Variants in ANKRD62 observed in about 807,000 individuals in gnomAD.
ANKRD62 encodes ankyrin repeat domain 62.
ANKRD62 carries 61 observed loss-of-function variants against 98.8 expected under a neutral mutation model. The observed-to-expected ratio is 0.62, with a 90% CI of 0.50 to 0.76. The LOEUF (loss-of-function observed/expected upper bound fraction) is 0.76, where lower values mean the gene tolerates loss of function less well. Ranked by LOEUF, ANKRD62 falls within the 30% of genes least tolerant of loss-of-function variation. ANKRD62 has a pLI of 0.00. For missense variants in ANKRD62, 933 were observed against 1,082.9 expected (o/e 0.86, Z 1.94); for synonymous variants, 341 against 367.9 (o/e 0.93, Z 0.84).
At chr18:12,098,758 C>A (rs1365686541) in intron 5 of ANKRD62, among the ~76,000 whole-genome samples, 1 of 152,126 alleles carries the variant, frequency 6.6e-6, no homozygotes, top group East Asian at 1.9e-4. Context: ...TAACCACTTG[C>A]ATCTCCTTCA....
downstream of ANKRD62, among the ~76,000 whole-genome samples, chr18:12,132,948 A>G (rs1598740678): frequency 1.3e-5 from 2 of 152,258 alleles, no homozygotes. Context: ...GCATTTTAAC[A>G]ATTTTTAACT....
At position 12,126,231 on chromosome 18, in the gene ANKRD62, A is replaced by G. The variant is rs1370525203; in HGVS notation, c.2410A>G (p.Ile804Val). 7 of 1,536,118 alleles carry G rather than the reference A, an allele frequency of 4.6e-6. No homozygotes were observed. In the Admixed American group the frequency reaches 1.2e-4, roughly 26 times the overall value. Residue 804 changes from isoleucine to valine, a missense_variant, in exon 13 of 14, where the codon ATA becomes GTA. By Grantham distance (29) the Ile-to-Val change is conservative (BLOSUM62 3). Transcript: ENST00000587848. Reference protein sequence around the residue: ...RKKADNQEKTIINIQVKCEDT... With the variant: ...RKKADNQEKTVINIQVKCEDT... ...GAAAGCTGACAATCAGGAGAAAACA[A>G]TAATTAATATCCAAGTCAAATGTGA...
chr18:12,097,699 A>T lies in ANKRD62; in HGVS notation c.674A>T (p.Gln225Leu). ...ACAAGTGTAGTCTACCAGCTTCTTC[A>T]GCACAATATTGATGTCTTTTGCCAA... ...GSTSVVYQLL[Q>L]HNIDVFCQDI... The change falls in exon 5 of 14, where the codon CAG (glutamine) becomes CTG (leucine). Residue 225 changes from glutamine to leucine, a missense_variant. Physicochemically the swap from Gln to Leu is moderately radical, Grantham distance 113. Transcript: ENST00000587848. 3.3e-6 allele frequency: 5 copies of T among 1,536,112 alleles called. No individual in the cohort carries two copies. The highest frequency in any genetic ancestry group is 4.4e-6 in the Non-Finnish European group (5 of 1,146,828).
the ANKRD62 span, among the ~76,000 whole-genome samples, chr18:12,178,380 G>A: frequency 2.6e-4 from 39 of 147,322 alleles, 5 homozygotes; most frequent in African/African-American, 1.0e-3. Flanking sequence ...CTCTGAACAC[G>A]GGAGGCCAGA....
At chr18:12,145,541 C>T in the ANKRD62 span, among the ~76,000 whole-genome samples, 3 of 151,844 alleles carry the variant, frequency 2.0e-5, no homozygotes, top group South Asian at 4.2e-4. Context: ...ATCACAGCTG[C>T]CCTGTGAAAT....
At chr18:12,169,254 T>C in the ANKRD62 span, among the ~76,000 whole-genome samples, 3 of 152,332 alleles carry the variant, frequency 2.0e-5, no homozygotes, top group Non-Finnish European at 2.9e-5. Context: ...TTCGGTATGA[T>C]ATTGGCTGTG....
chr18:12,168,145 C>T, the ANKRD62 span, among the ~76,000 whole-genome samples: 1 of 152,124 alleles, frequency 6.6e-6, no homozygotes, highest in Admixed American at 6.5e-5. Flanking sequence ...TTAATTAGAT[C>T]CCATTTGTCA....
At chr18:12,137,756 T>C in the ANKRD62 span, among the ~76,000 whole-genome samples, 1 of 152,256 alleles carries the variant, frequency 6.6e-6, no homozygotes, top group African/African-American at 2.4e-5. Flanking sequence ...GAGATTCAAC[T>C]TCCTGGTTTA....
chr18:12,132,594 T>C (rs149825054), downstream of ANKRD62, among the ~76,000 whole-genome samples: 1 of 152,248 alleles, frequency 6.6e-6, no homozygotes, highest in African/African-American at 2.4e-5. Flanking sequence ...CATCATTACA[T>C]AGAATGTTAG....
chr18:12,160,014 C>A, the ANKRD62 span, among the ~76,000 whole-genome samples: 3 of 152,070 alleles, frequency 2.0e-5, no homozygotes, highest in African/African-American at 4.8e-5. Context: ...AGGAATGGAA[C>A]GTGATCTTTC....
chr18:12,119,909 C>T (rs573643365), intron 10 of ANKRD62, among the ~76,000 whole-genome samples: 1 of 151,974 alleles, frequency 6.6e-6, no homozygotes, highest in African/African-American at 2.4e-5. Context: ...CATTTTTATT[C>T]AGTTCAAAAT....
intron 10 of ANKRD62, among the ~76,000 whole-genome samples, chr18:12,117,656 T>G (rs763970038): frequency 1.3e-5 from 2 of 152,188 alleles, no homozygotes; most frequent in Non-Finnish European, 2.9e-5. Flanking sequence ...TTGCTGAGAC[T>G]TTTTCATTTT....
the ANKRD62 span, among the ~76,000 whole-genome samples, chr18:12,151,387 A>G: frequency 6.6e-6 from 1 of 152,200 alleles, no homozygotes; most frequent in Non-Finnish European, 1.5e-5. Flanking sequence ...GAGAAAATTA[A>G]CAAAGGTATA....
At chr18:12,103,618 A>G (rs1909354111) in intron 7 of ANKRD62, among the ~76,000 whole-genome samples, 1 of 152,096 alleles carries the variant, frequency 6.6e-6, no homozygotes, top group African/African-American at 2.4e-5. Context: ...TTGCAGTTTT[A>G]TATTACTGGT....
chr18:12,116,199 C>A (rs1325313532), intron 10 of ANKRD62, among the ~76,000 whole-genome samples: 1 of 152,174 alleles, frequency 6.6e-6, no homozygotes, highest in Non-Finnish European at 1.5e-5. Context: ...AGATAGTTAT[C>A]CATAACCCAC....
At chr18:12,146,453 G>C in the ANKRD62 span, among the ~76,000 whole-genome samples, 2 of 150,612 alleles carry the variant, frequency 1.3e-5, no homozygotes, top group Non-Finnish European at 2.9e-5. Context: ...GGGGGGGCGT[G>C]TGTGTGTTTT....
the ANKRD62 span, among the ~76,000 whole-genome samples, chr18:12,167,614 A>G: frequency 6.6e-6 from 1 of 152,176 alleles, no homozygotes; most frequent in Non-Finnish European, 1.5e-5. Context: ...ATGTGTCTTT[A>G]TAGGAACATG....
intron 3 of ANKRD62, among the ~76,000 whole-genome samples, chr18:12,095,981 C>G (rs1292730092): frequency 6.6e-6 from 1 of 152,128 alleles, no homozygotes; most frequent in African/African-American, 2.4e-5. Context: ...CATATGTGCT[C>G]CAGTCTGCTA....
intron 6 of ANKRD62, among the ~76,000 whole-genome samples, chr18:12,101,129 A>G (rs1236232787): frequency 6.6e-6 from 1 of 152,176 alleles, no homozygotes; most frequent in Non-Finnish European, 1.5e-5. Context: ...TTCTTAACTG[A>G]AAAACACTTT....
Sources: allele counts gnomAD v4.1 joint callset (sites outside exome capture counted in the v4.1 genomes callset), GRCh38; gene constraint gnomAD v4.1.1; transcripts MANE v1.5; gene names NCBI Gene and HGNC (gene_info 2026-07-23, HGNC 2026-07-21).